The following GPR160 variants were observed in gnomAD, a reference collection of about 807,000 sequenced individuals.
GPR160 encodes the protein G protein-coupled receptor 160.
Under a neutral mutation model 2.6 loss-of-function variants are expected in GPR160, and 2 were observed. The observed-to-expected ratio is 0.77, with a 90% CI of 0.32 to 2.44. The LOEUF (loss-of-function observed/expected upper bound fraction) is 2.44, where lower values mean the gene tolerates loss of function less well. Ranked by LOEUF, GPR160 falls within the 30% of genes most tolerant of loss-of-function variation. The pLI, the probability that GPR160 is intolerant of heterozygous loss-of-function variation, is 0.11. For missense variants in GPR160, 351 were observed against 383.6 expected, an observed-to-expected ratio of 0.91 and a Z score of 0.71; for synonymous variants, 130 against 132.2, an observed-to-expected ratio of 0.98 and a Z score of 0.12.
chr3:170,063,676 T>C (rs1173177601), intron 2 of GPR160, among the ~76,000 whole-genome samples: 1 of 151,038 alleles, frequency 6.6e-6, no homozygotes, highest in Non-Finnish European at 1.5e-5. Flanking sequence ...CGACGAGGTA[T>C]GAGGAAGACG....
intron 2 of GPR160, among the ~76,000 whole-genome samples, chr3:170,064,514 CT>C (rs1175382810): frequency 0.024 from 1,954 of 80,984 alleles, 36 homozygotes; most frequent in African/African-American, 0.075. Context: ...CTTTTCTTTT[CT>C]TTTTTTTTTT....
chr3:170,057,887 C>T (rs904587581), intron 2 of GPR160: 2 of 152,106 alleles, frequency 1.3e-5, no homozygotes, highest in Non-Finnish European at 2.9e-5. Flanking sequence ...ATACAGCAAT[C>T]GAAAACTCCT....
At chr3:170,048,450 C>T (rs1490093490) in intron 2 of GPR160, among the ~76,000 whole-genome samples, 1 of 152,174 alleles carries the variant, frequency 6.6e-6, no homozygotes, top group East Asian at 1.9e-4. Context: ...TTGTATTCCC[C>T]TATGTCTTTA....
At chr3:170,072,573 G>T (rs1032158609) in intron 2 of GPR160, among the ~76,000 whole-genome samples, 1 of 152,166 alleles carries the variant, frequency 6.6e-6, no homozygotes, top group Non-Finnish European at 1.5e-5. Context: ...ATCTGCTTCT[G>T]TTGAGGCCTC....
At chr3:170,047,666 A>G (rs1212499580) in intron 2 of GPR160, among the ~76,000 whole-genome samples, 1 of 152,058 alleles carries the variant, frequency 6.6e-6, no homozygotes, top group African/African-American at 2.4e-5. Flanking sequence ...CCATCAACCA[A>G]TGAGTGGATA....
At chr3:170,083,696 G>C (rs1359954223) in intron 3 of GPR160, among the ~76,000 whole-genome samples, 3 of 152,200 alleles carry the variant, frequency 2.0e-5, no homozygotes, top group Admixed American at 1.3e-4. Context: ...AAAAATCTCT[G>C]AGTTCTGGAC....
At position 170,084,722 on chromosome 3, in the gene GPR160, T is replaced by C. The variant is rs751971278; in HGVS notation, c.750T>C (p.Ser250=). The C allele has an allele frequency of 5.0e-5, 80 of 1,611,788 alleles. No individual in the cohort carries two copies. Among genetic ancestry groups the C allele is most frequent in the Non-Finnish European group, 6.5e-5 (76 of 1,178,272 alleles). ...FLSKLIVCFL[S]TWLPFVLLQV... Reference sequence around the variant, plus strand: ...CCAAGCTCATTGTCTGTTTTCTCAGTACCTGGTTACCATTTGTACTACTTC... The same window carrying C: ...CCAAGCTCATTGTCTGTTTTCTCAGCACCTGGTTACCATTTGTACTACTTC... The change falls in exon 4 of 4, where the codon AGT becomes AGC. Residue 250 remains serine (S), a synonymous_variant. Transcript: ENST00000355897.
intron 3 of GPR160, among the ~76,000 whole-genome samples, chr3:170,082,110 T>C (rs542470858): frequency 1.3e-5 from 2 of 152,322 alleles, no homozygotes; most frequent in East Asian, 1.9e-4. Flanking sequence ...TCCATTTTTT[T>C]CCTTAAAGTT....
At chr3:170,054,493 T>A (rs893793099) in intron 2 of GPR160, among the ~76,000 whole-genome samples, 1 of 152,204 alleles carries the variant, frequency 6.6e-6, no homozygotes, top group Non-Finnish European at 1.5e-5. Context: ...ATCTTAACCA[T>A]TTTTAAGTGT....
intron 3 of GPR160, among the ~76,000 whole-genome samples, chr3:170,082,991 TTTTG>T (rs1329560765): frequency 1.3e-5 from 2 of 151,360 alleles, no homozygotes; most frequent in Non-Finnish European, 2.9e-5. Context: ...TTTTTTTGGT[TTTTG>T]TTTTTGTTTT....
intron 2 of GPR160, among the ~76,000 whole-genome samples, chr3:170,078,794 T>G (rs997543678): frequency 1.3e-5 from 2 of 152,128 alleles, no homozygotes; most frequent in African/African-American, 4.8e-5. Context: ...ATCTGTACTC[T>G]TCAATCAACA....
At position 170,062,683 on chromosome 3, in the gene GPR160, C is replaced by T. The variant is rs1712029523; in HGVS notation, c.-192-17091C>T. 13 of 1,434,656 alleles carry T rather than the reference C, an allele frequency of 9.1e-6. No individual in the cohort carries two copies. In the Middle Eastern group the frequency reaches 6.5e-4, roughly 72 times the overall value. 88.9% of individuals were successfully genotyped at this position (1,434,656 alleles called of 1,614,324 possible). On this transcript the variant is annotated intron_variant, in intron 2 of 3. Coordinates refer to ENST00000355897, the MANE Select transcript of GPR160 (RefSeq NM_014373.3). ...CCAAGCAAGCCTTGAAATAGCCCATCAAGGGCAAACAGGCCCCCGAAAAAA... is the reference window on the plus strand; with the variant it reads ...CCAAGCAAGCCTTGAAATAGCCCATTAAGGGCAAACAGGCCCCCGAAAAAA...
chr3:170,079,040 G>C (rs1036261768), intron 2 of GPR160, among the ~76,000 whole-genome samples: 2 of 152,194 alleles, frequency 1.3e-5, no homozygotes, highest in African/African-American at 4.8e-5. Context: ...ACCGACCTTT[G>C]ATCATCCGCA....
At chr3:170,054,010 T>A (rs1164924982) in intron 2 of GPR160, among the ~76,000 whole-genome samples, 1 of 152,052 alleles carries the variant, frequency 6.6e-6, no homozygotes, top group African/African-American at 2.4e-5. Flanking sequence ...TTGGCATTTG[T>A]GCATGGAATA....
At chr3:170,040,536 T>A (rs1278431140) in intron 2 of GPR160, among the ~76,000 whole-genome samples, 1 of 152,182 alleles carries the variant, frequency 6.6e-6, no homozygotes, top group Non-Finnish European at 1.5e-5. Context: ...CTAGGTCAGC[T>A]TTTTTTACAC....
chr3:170,065,718 T>C (rs956190658), intron 2 of GPR160, among the ~76,000 whole-genome samples: 2 of 152,238 alleles, frequency 1.3e-5, no homozygotes, highest in African/African-American at 4.8e-5. Context: ...TAAAGTAAAC[T>C]AAATACTTAA....
At chr3:170,075,071 A>G (rs1160814102) in intron 2 of GPR160, among the ~76,000 whole-genome samples, 1 of 151,982 alleles carries the variant, frequency 6.6e-6, no homozygotes, top group East Asian at 1.9e-4. Context: ...TACTAAGAAT[A>G]ACAAAAATTA....
intron 2 of GPR160, among the ~76,000 whole-genome samples, chr3:170,071,506 T>C (rs1712592336): frequency 6.6e-6 from 1 of 151,970 alleles, no homozygotes; most frequent in African/African-American, 2.4e-5. Flanking sequence ...ATAAACCTCT[T>C]TATAGGCCAG....
At chr3:170,039,449 C>T (rs910739763) in intron 2 of GPR160, among the ~76,000 whole-genome samples, 2 of 152,160 alleles carry the variant, frequency 1.3e-5, no homozygotes, top group African/African-American at 4.8e-5. Flanking sequence ...TGGCTCACAC[C>T]TGTAATCCCA....
Sources: gnomAD v4.1 joint callset for allele counts (sites outside exome capture counted in the v4.1 genomes callset) on GRCh38, gnomAD v4.1.1 for gene constraint, MANE v1.5 for transcripts, NCBI Gene and HGNC (gene_info 2026-07-23, HGNC 2026-07-21) for gene names.